The following PDZRN3 variants were observed in gnomAD, a reference collection of about 807,000 sequenced individuals.
PDZRN3 encodes PDZ domain containing ring finger 3.
Under a neutral mutation model 85.7 loss-of-function variants are expected in PDZRN3, and 38 were observed. The ratio of observed to expected loss-of-function variants is 0.44; its 90% CI spans 0.34 to 0.58. PDZRN3 has a LOEUF of 0.58. Among genes scored for constraint, PDZRN3 ranks in the 20% least tolerant of loss-of-function variants. PDZRN3 has a pLI of 0.01. For synonymous variants in PDZRN3, 759 were observed against 638.0 expected, an observed-to-expected ratio of 1.19 and a Z score of -2.86; for missense variants, 1,629 against 1,506.4, an observed-to-expected ratio of 1.08 and a Z score of -1.35.
At chr3:73,498,752 T>G (rs1039212822) in intron 3 of PDZRN3, among the ~76,000 whole-genome samples, 25 of 152,142 alleles carry the variant, frequency 1.6e-4, no homozygotes, top group African/African-American at 5.8e-4. Context: ...GCCTGGCTAA[T>G]TTTTGTATAT....
chr3:73,484,433 G>A (rs142230744), intron 3 of PDZRN3, among the ~76,000 whole-genome samples: 2 of 152,160 alleles, frequency 1.3e-5, no homozygotes, highest in Non-Finnish European at 2.9e-5. Flanking sequence ...TGGTTAGTTC[G>A]ATGCCCCAGA....
At chr3:73,465,691 T>C (rs182760021) in intron 3 of PDZRN3, among the ~76,000 whole-genome samples, 14 of 152,318 alleles carry the variant, frequency 9.2e-5, no homozygotes, top group Admixed American at 7.8e-4. Context: ...TTTGCCTCAA[T>C]AAAATTAAGA....
chr3:73,519,827 T>C (rs1302093401), intron 3 of PDZRN3, among the ~76,000 whole-genome samples: 1 of 152,156 alleles, frequency 6.6e-6, no homozygotes, highest in Non-Finnish European at 1.5e-5. Flanking sequence ...TGGGATTATC[T>C]ACCAGGGAGA....
chr3:73,564,368 C>A (rs1289799870), intron 3 of PDZRN3, among the ~76,000 whole-genome samples: 1 of 152,192 alleles, frequency 6.6e-6, no homozygotes, highest in East Asian at 1.9e-4. Context: ...TTTTCACTGA[C>A]AGCCATGTGG....
chr3:73,617,044 C>T (rs1385944786), intron 1 of PDZRN3, among the ~76,000 whole-genome samples: 1 of 152,166 alleles, frequency 6.6e-6, no homozygotes, highest in African/African-American at 2.4e-5. Flanking sequence ...GGGACTTCAT[C>T]CCTCACCTAT....
intron 3 of PDZRN3, among the ~76,000 whole-genome samples, chr3:73,521,135 G>A (rs150310911): frequency 1.3e-5 from 2 of 152,310 alleles, no homozygotes; most frequent in Non-Finnish European, 2.9e-5. Context: ...ACGGGGAAGT[G>A]CTGCCAATGT....
chr3:73,540,045 C>G (rs1704878550), intron 3 of PDZRN3, among the ~76,000 whole-genome samples: 2 of 117,564 alleles, frequency 1.7e-5, no homozygotes, highest in Non-Finnish European at 3.3e-5. Context: ...TCTCTAACGA[C>G]TTAGATAAAA....
intron 3 of PDZRN3, among the ~76,000 whole-genome samples, chr3:73,560,182 C>A (rs1701786757): frequency 2.0e-5 from 3 of 152,178 alleles, no homozygotes. Context: ...TGAAAACCCT[C>A]AAGAGAAGAA....
At chr3:73,575,436 T>G (rs911920102) in intron 3 of PDZRN3, among the ~76,000 whole-genome samples, 5 of 152,164 alleles carry the variant, frequency 3.3e-5, no homozygotes, top group Non-Finnish European at 7.3e-5. Flanking sequence ...CCAAGAAGCC[T>G]CATCTCATCT....
intron 3 of PDZRN3, among the ~76,000 whole-genome samples, chr3:73,423,601 C>T (rs994140679): frequency 6.6e-6 from 1 of 152,224 alleles, no homozygotes; most frequent in Admixed American, 6.5e-5. Context: ...TTAGTTCTAA[C>T]TGTAGTCTTA....
intron 3 of PDZRN3, among the ~76,000 whole-genome samples, chr3:73,550,595 C>T (rs1272755378): frequency 6.6e-6 from 1 of 152,226 alleles, no homozygotes; most frequent in African/African-American, 2.4e-5. Context: ...CTCACAGCAG[C>T]AGACATTGCC....
At chr3:73,581,804 TAA>T (rs3831963) in intron 3 of PDZRN3, among the ~76,000 whole-genome samples, 2 of 145,422 alleles carry the variant, frequency 1.4e-5, no homozygotes, top group African/African-American at 5.1e-5. Flanking sequence ...AGACAATGAT[TAA>T]AAAAAAAAAA....
At chr3:73,428,905 C>T (rs1112011) in intron 3 of PDZRN3, among the ~76,000 whole-genome samples, 9,190 of 145,398 alleles carry the variant, frequency 0.063, 288 homozygotes, top group Middle Eastern at 0.16. Context: ...TTTTTTTTTT[C>T]CCCCAGAGAA....
chr3:73,477,524 G>A (rs1476689137), intron 3 of PDZRN3, among the ~76,000 whole-genome samples: 1 of 152,154 alleles, frequency 6.6e-6, no homozygotes, highest in Non-Finnish European at 1.5e-5. Flanking sequence ...GGGCTGCTGA[G>A]CCAACAGTAT....
chr3:73,560,383 A>C (rs1488879270), intron 3 of PDZRN3, among the ~76,000 whole-genome samples: 1 of 152,168 alleles, frequency 6.6e-6, no homozygotes, highest in Admixed American at 6.5e-5. Flanking sequence ...CTCGAGGCTG[A>C]GTGCTCCTCA....
At chr3:73,473,212 A>G (rs192585071) in intron 3 of PDZRN3, among the ~76,000 whole-genome samples, 33 of 152,346 alleles carry the variant, frequency 2.2e-4, no homozygotes, top group Non-Finnish European at 1.0e-4. Context: ...AACTGTAGTT[A>G]TAGTTCTCTG....
At chr3:73,559,345 G>A (rs1701768593) in intron 3 of PDZRN3, among the ~76,000 whole-genome samples, 1 of 152,118 alleles carries the variant, frequency 6.6e-6, no homozygotes, top group Non-Finnish European at 1.5e-5. Context: ...TTTATGGAAA[G>A]GGGCAACAAA....
chr3:73,536,515 C>T (rs1161358173), intron 3 of PDZRN3, among the ~76,000 whole-genome samples: 1 of 152,212 alleles, frequency 6.6e-6, no homozygotes, highest in Non-Finnish European at 1.5e-5. Flanking sequence ...GTCATGTCCA[C>T]TGAAAAAAAT....
At chr3:73,392,079 T>C (rs1701540207) in intron 5 of PDZRN3, among the ~76,000 whole-genome samples, 1 of 152,220 alleles carries the variant, frequency 6.6e-6, no homozygotes, top group African/African-American at 2.4e-5. Flanking sequence ...CAGCTGTCTA[T>C]GCGGAGAAGC....
Sources: gnomAD v4.1 joint callset for allele counts (sites outside exome capture counted in the v4.1 genomes callset) on GRCh38, gnomAD v4.1.1 for gene constraint, MANE v1.5 for transcripts, NCBI Gene and HGNC (gene_info 2026-07-23, HGNC 2026-07-21) for gene names.